UBE2D4: variants seen among roughly 807,000 people sequenced by gnomAD.
UBE2D4 encodes the protein ubiquitin conjugating enzyme E2 D4, also known as ubiquitin-conjugating enzyme E2 D4.
Under a neutral mutation model 23.0 loss-of-function variants are expected in UBE2D4, and 17 were observed. The observed-to-expected ratio is 0.74, with a 90% CI of 0.51 to 1.11. The LOEUF (loss-of-function observed/expected upper bound fraction) is 1.11. UBE2D4 is among the 50% of genes least tolerant of loss of function. The probability of loss-of-function intolerance (pLI) is 0.00; values close to 1 mark genes in which losing one functional copy is unlikely to be tolerated. For missense variants in UBE2D4, 139 were observed against 181.8 expected (o/e 0.76, Z 1.35); for synonymous variants, 61 against 69.4 (o/e 0.88, Z 0.60).
chr7:43,952,649 G>A lies in UBE2D4; in HGVS notation c.399-1G>A. 1.2e-6 allele frequency: 2 copies of A among 1,613,692 alleles called. No homozygotes were observed. Among genetic ancestry groups the A allele is most frequent in the Non-Finnish European group, 8.5e-7 (1 of 1,179,716 alleles). On this transcript the variant is annotated splice_acceptor_variant, in intron 6 of 6. Transcript: ENST00000222402. LOFTEE classifies it high-confidence loss of function. Reference sequence around the variant, plus strand: ...TCACTTCCTCTGCTTTTTTATTCCAGGTACAACAGACTAGCAAGAGAGTGG... The same window carrying A: ...TCACTTCCTCTGCTTTTTTATTCCAAGTACAACAGACTAGCAAGAGAGTGG...
At position 43,933,579 on chromosome 7, in the gene UBE2D4, C is replaced by T. The variant is rs139567862; in HGVS notation, c.25-4852C>T. Reference sequence around the variant, plus strand: ...AACATGGTGAAACTCATCTCTACTACAAATACAAAAATTAGCTGGGCATGG... The same window carrying T: ...AACATGGTGAAACTCATCTCTACTATAAATACAAAAATTAGCTGGGCATGG... On this transcript the variant is annotated intron_variant, in intron 1 of 6. Coordinates refer to ENST00000222402, the MANE Select transcript of UBE2D4 (RefSeq NM_015983.4). Among the ~76,000 whole-genome samples, 1,348 of 151,918 alleles carry T rather than the reference C, an allele frequency of 8.9e-3. 22 individuals carry two copies. The highest frequency in any genetic ancestry group is 0.031 in the African/African-American group (1,297 of 41,388).
chr7:43,952,780 CCATT>C lies in UBE2D4; in HGVS notation c.*88_*91del. ...TTAAAACTTTGGGCTGTTGGCTGAG[CCATT>C]CAAAGAGCATCATCTGTTCTTCAAA... On this transcript the variant is annotated 3_prime_UTR_variant, in exon 7 of 7. Transcript: ENST00000222402. The C allele has an allele frequency of 8.9e-7, 1 of 1,126,114 alleles. No homozygotes were observed. Among genetic ancestry groups the C allele is most frequent in the Non-Finnish European group, 1.4e-6 (1 of 737,912 alleles). The allele number at this position is 1,126,114 out of a possible 1,614,324, so 69.8% of individuals were successfully genotyped here.
At chr7:43,926,579 A>G (rs368186997) in intron 1 of UBE2D4, 23 bp downstream of exon 1, 15 of 1,562,534 alleles carry the variant, frequency 9.6e-6, no homozygotes, top group Non-Finnish European at 1.2e-5. Context: ...CCACCCTCCA[A>G]CTCTTTGGGT....
intron 1 of UBE2D4, among the ~76,000 whole-genome samples, chr7:43,931,072 G>T (rs1305608118): frequency 6.6e-6 from 1 of 150,580 alleles, no homozygotes; most frequent in Admixed American, 6.6e-5. Flanking sequence ...TTCAGTGAGC[G>T]ATCATGCCAC....
At chr7:43,951,150 C>T (rs1337874527) in intron 6 of UBE2D4, among the ~76,000 whole-genome samples, 1 of 152,212 alleles carries the variant, frequency 6.6e-6, no homozygotes, top group Admixed American at 6.5e-5. Flanking sequence ...GTGGTCAGTT[C>T]GCTGGCTCAG....
chr7:43,940,591 G>T (rs115511664), intron 2 of UBE2D4, among the ~76,000 whole-genome samples: 150 of 152,232 alleles, frequency 9.9e-4, no homozygotes, highest in African/African-American at 3.4e-3. Context: ...CTAGCCTTTG[G>T]GGCCATTTCA....
At chr7:43,941,026 G>A (rs1310469323) in intron 2 of UBE2D4, 2 of 152,132 alleles carry the variant, frequency 1.3e-5, no homozygotes. Flanking sequence ...TAGGGGCTTG[G>A]GAAACTTCTG....
intron 1 of UBE2D4, among the ~76,000 whole-genome samples, chr7:43,937,335 G>A (rs942506251): frequency 2.6e-5 from 4 of 152,186 alleles, no homozygotes; most frequent in African/African-American, 9.6e-5. Context: ...ATAGCAGAGA[G>A]GTAAGCTAAA....
At chr7:43,938,791 G>A (rs1185701057) in intron 2 of UBE2D4, among the ~76,000 whole-genome samples, 2 of 152,202 alleles carry the variant, frequency 1.3e-5, no homozygotes, top group Admixed American at 6.5e-5. Context: ...AGCCAAGATC[G>A]TGCCACTGCA....
intron 1 of UBE2D4, among the ~76,000 whole-genome samples, chr7:43,929,703 G>A (rs2095941297): frequency 2.0e-5 from 3 of 152,146 alleles, no homozygotes; most frequent in Admixed American, 2.0e-4. Flanking sequence ...GATGGGCTCT[G>A]CCTTTGGTTT....
At chr7:43,945,519 T>C (rs888419406) in intron 4 of UBE2D4, among the ~76,000 whole-genome samples, 5 of 152,196 alleles carry the variant, frequency 3.3e-5, no homozygotes, top group Non-Finnish European at 7.3e-5. Context: ...ATGATCTTTA[T>C]TGGAGATATT....
chr7:43,937,441 CT>C (rs1178220278), intron 1 of UBE2D4, among the ~76,000 whole-genome samples: 1 of 152,196 alleles, frequency 6.6e-6, no homozygotes, highest in Non-Finnish European at 1.5e-5. Context: ...GTTAAATTCT[CT>C]TTTGGCCACT....
chr7:43,949,777 T>C (rs1163008724), intron 5 of UBE2D4, among the ~76,000 whole-genome samples: 1 of 152,202 alleles, frequency 6.6e-6, no homozygotes, highest in Non-Finnish European at 1.5e-5. Context: ...AGAGCCACAT[T>C]GAGTGCACAT....
chr7:43,938,881 G>T (rs888710585), intron 2 of UBE2D4, among the ~76,000 whole-genome samples: 2 of 152,220 alleles, frequency 1.3e-5, no homozygotes, highest in Non-Finnish European at 2.9e-5. Flanking sequence ...CAGCCAAGCA[G>T]TATTTAAGAA....
At chr7:43,933,520 C>T (rs150651327) in intron 1 of UBE2D4, among the ~76,000 whole-genome samples, 15 of 152,044 alleles carry the variant, frequency 9.9e-5, no homozygotes, top group African/African-American at 3.1e-4. Context: ...GCAGGAGGAT[C>T]GCTTGAGGTC....
intron 4 of UBE2D4, among the ~76,000 whole-genome samples, chr7:43,945,776 C>CTTTTTTTTTTTT (rs11339851): frequency 1.2e-5 from 1 of 84,190 alleles, no homozygotes; most frequent in Non-Finnish European, 2.3e-5. Context: ...GGCAAAATCC[C>CTTTTTTTTTTTT]TTTTTTTTTT....
rs865776635 is a variant in UBE2D4 at position 43,952,671 on chromosome 7, G to A, written c.420G>A (p.Glu140=). 6 of 1,613,948 alleles carry A rather than the reference G, an allele frequency of 3.7e-6. No individual in the cohort carries two copies. In the Admixed American group the frequency reaches 5.0e-5, roughly 13 times the overall value. The change falls in exon 7 of 7, where the codon GAG becomes GAA. Residue 140 remains glutamate (E), a synonymous_variant. Coordinates refer to ENST00000222402, the MANE Select transcript of UBE2D4 (RefSeq NM_015983.4). ...CCAGGTACAACAGACTAGCAAGAGA[G>A]TGGACACAAAAATATGCTATGTAAG... ...DREKYNRLAR[E]WTQKYAM
rs143558666 is a variant in UBE2D4, at chr7:43,954,381, C to G, written c.*1686C>G. ...CTCCCAGGTTCAAGCAATTCTCCTG[C>G]CTCAGCCTCCCAAGTAGCCGGAATT... is the stretch of plus-strand genomic sequence containing the variant. On this transcript the variant is annotated 3_prime_UTR_variant, in exon 7 of 7. Coordinates refer to ENST00000222402, the MANE Select transcript of UBE2D4 (RefSeq NM_015983.4). 6.7e-3 allele frequency: 1,017 copies of G among 151,598 alleles called. 39 individuals carry two copies. The East Asian group carries it at 0.14, about 21-fold the overall frequency. The allele number at this position is 151,598 out of a possible 1,614,324, so 9.4% of individuals were successfully genotyped here. A position where few individuals can be genotyped will look rare whatever the true frequency, so the allele number is the denominator to read the frequency against.
intron 1 of UBE2D4, among the ~76,000 whole-genome samples, chr7:43,938,081 G>A (rs1326435585): frequency 2.0e-5 from 3 of 152,090 alleles, no homozygotes; most frequent in African/African-American, 4.8e-5. Context: ...AGCACCTGGG[G>A]GCCTGGGGAT....
Sources: allele counts gnomAD v4.1 joint callset (sites outside exome capture counted in the v4.1 genomes callset), GRCh38; gene constraint gnomAD v4.1.1; transcripts MANE v1.5; gene names NCBI Gene and HGNC (gene_info 2026-07-23, HGNC 2026-07-21).